The following ARID5B variants were observed in gnomAD, a reference collection of about 807,000 sequenced individuals.
The protein encoded by ARID5B is AT-rich interaction domain 5B.
Under a neutral mutation model 97.2 loss-of-function variants are expected in ARID5B, and 13 were observed. The observed-to-expected ratio is 0.13, with a 90% CI of 0.09 to 0.21. The LOEUF (loss-of-function observed/expected upper bound fraction) is 0.21, where lower values mean the gene tolerates loss of function less well. ARID5B is among the 10% of genes least tolerant of loss of function. ARID5B has a pLI of 1.00. For synonymous variants in ARID5B, 556 were observed against 570.3 expected (o/e 0.97, Z 0.36); for missense variants, 1,210 against 1,465.3 (o/e 0.83, Z 2.84).
intron 4 of ARID5B, among the ~76,000 whole-genome samples, chr10:62,039,471 A>T (rs1312741544): frequency 2.6e-5 from 4 of 152,130 alleles, no homozygotes; most frequent in Non-Finnish European, 5.9e-5. Flanking sequence ...TACCATAGGA[A>T]CCCATTTTAC....
At chr10:62,049,209 G>GC in intron 4 of ARID5B, 3 of 1,349,134 alleles carry the variant, frequency 2.2e-6, no homozygotes, top group Non-Finnish European at 1.9e-6. Flanking sequence ...GGTGGAGAGA[G>GC]CAGAGCCCTC....
Position 61,901,856 on chromosome 10 carries a change from C to T in ARID5B, c.21+126C>T, listed in dbSNP as rs1446146843. On this transcript the variant is annotated intron_variant, in intron 1 of 9. Coordinates refer to ENST00000279873, the MANE Select transcript of ARID5B (RefSeq NM_032199.3). The stretch of plus-strand genomic sequence containing the variant: ...CTTTTCACCAAACTTTTACCCTCTG[C>T]ATCCCCCAAAATCATTTTTATTGTT... 4 of 774,878 alleles carry T rather than the reference C, an allele frequency of 5.2e-6. No homozygotes were observed. The Admixed American group carries it at 8.2e-5, about 16-fold the overall frequency. The allele number at this position is 774,878 out of a possible 1,614,324, so 48.0% of individuals were successfully genotyped here. A position where few individuals can be genotyped will look rare whatever the true frequency, so the allele number is the denominator to read the frequency against.
At chr10:62,019,010 C>T (rs1839319770) in intron 4 of ARID5B, among the ~76,000 whole-genome samples, 1 of 152,186 alleles carries the variant, frequency 6.6e-6, no homozygotes, top group African/African-American at 2.4e-5. Context: ...GACCACCATG[C>T]AGCCCAGAGG....
chr10:62,079,615 A>C (rs1840183238), intron 8 of ARID5B, among the ~76,000 whole-genome samples: 1 of 152,132 alleles, frequency 6.6e-6, no homozygotes, highest in African/African-American at 2.4e-5. Flanking sequence ...TCTCACACTG[A>C]CACATCTTTA....
At chr10:61,944,771 G>A (rs1160660650) in intron 3 of ARID5B, among the ~76,000 whole-genome samples, 3 of 152,142 alleles carry the variant, frequency 2.0e-5, no homozygotes, top group African/African-American at 7.2e-5. Flanking sequence ...TTTTTTTGCA[G>A]CAGACTCATT....
chr10:62,040,271 TTACC>T (rs1267661804), intron 4 of ARID5B, among the ~76,000 whole-genome samples: 8 of 152,264 alleles, frequency 5.3e-5, no homozygotes, highest in South Asian at 4.1e-4. Flanking sequence ...GAGTCAATGA[TTACC>T]AGATTTGAAT....
chr10:62,069,393 G>A (rs868745370), intron 7 of ARID5B, among the ~76,000 whole-genome samples: 24 of 152,332 alleles, frequency 1.6e-4, no homozygotes, highest in African/African-American at 5.1e-4. Context: ...ATGACTTAAA[G>A]GAACAGGGTA....
At chr10:61,923,613 G>C (rs1246325446) in intron 2 of ARID5B, among the ~76,000 whole-genome samples, 4 of 152,200 alleles carry the variant, frequency 2.6e-5, no homozygotes, top group African/African-American at 9.7e-5. Context: ...CCCCCACCTT[G>C]GCTGCTGTAT....
intron 7 of ARID5B, among the ~76,000 whole-genome samples, chr10:62,063,331 T>G (rs1564640661): frequency 6.6e-6 from 1 of 152,210 alleles, no homozygotes; most frequent in Non-Finnish European, 1.5e-5. Flanking sequence ...GATGTATTGC[T>G]TCTGCGGTTA....
chr10:61,940,965 ATTTTTTTTTTTTTTTTTTTT>A (rs869209154), intron 3 of ARID5B, among the ~76,000 whole-genome samples: 2 of 6,608 alleles, frequency 3.0e-4, no homozygotes, highest in African/African-American at 4.1e-4. Flanking sequence ...ATATATATAT[ATTTTTTTTTTTTTTTTTTTT>A]TTTTTTTTTT....
At chr10:61,963,561 C>G (rs1041846429) in intron 3 of ARID5B, among the ~76,000 whole-genome samples, 3 of 151,992 alleles carry the variant, frequency 2.0e-5, no homozygotes, top group African/African-American at 7.2e-5. Flanking sequence ...GGACAGCTGA[C>G]CTATATGTCT....
At chr10:62,028,560 CCTCT>C (rs1201964832) in intron 4 of ARID5B, among the ~76,000 whole-genome samples, 1 of 152,154 alleles carries the variant, frequency 6.6e-6, no homozygotes, top group Admixed American at 6.5e-5. Context: ...AATGACTCAC[CCTCT>C]CTCAGCCTCA....
intron 3 of ARID5B, among the ~76,000 whole-genome samples, chr10:61,986,738 T>C (rs1838852357): frequency 1.3e-5 from 2 of 152,274 alleles, no homozygotes; most frequent in Non-Finnish European, 2.9e-5. Flanking sequence ...GGTAACATAC[T>C]CCCTTCTTTC....
At chr10:62,010,740 G>A (rs905201915) in intron 4 of ARID5B, among the ~76,000 whole-genome samples, 1 of 152,200 alleles carries the variant, frequency 6.6e-6, no homozygotes. Context: ...CAACCTAGAA[G>A]GATGTCTTCC....
intron 4 of ARID5B, among the ~76,000 whole-genome samples, chr10:62,047,736 T>G (rs1485421907): frequency 2.6e-5 from 4 of 152,188 alleles, no homozygotes; most frequent in African/African-American, 9.7e-5. Context: ...CACACCATAA[T>G]GCACCTGTTT....
At chr10:62,052,122 G>A (rs1165692401) in intron 5 of ARID5B, among the ~76,000 whole-genome samples, 1 of 152,190 alleles carries the variant, frequency 6.6e-6, no homozygotes, top group Non-Finnish European at 1.5e-5. Flanking sequence ...AGATTCCAAA[G>A]GGTTAAGAAG....
chr10:62,030,294 T>A (rs1297027975), intron 4 of ARID5B, among the ~76,000 whole-genome samples: 1 of 152,074 alleles, frequency 6.6e-6, no homozygotes, highest in Non-Finnish European at 1.5e-5. Context: ...CACGCCCAGC[T>A]AATTTTTGTA....
At chr10:62,090,150 G>A (rs1374628283) in intron 9 of ARID5B, among the ~76,000 whole-genome samples, 1 of 152,196 alleles carries the variant, frequency 6.6e-6, no homozygotes, top group Non-Finnish European at 1.5e-5. Flanking sequence ...CTGACTGTCT[G>A]AATTTTGACA....
In ARID5B at chr10:62,050,745, A is replaced by T. The variant is rs555014062; in HGVS notation, c.734-143A>T. 79 of 662,778 alleles carry T rather than the reference A, an allele frequency of 1.2e-4. 3 individuals are homozygous for T. The South Asian group carries it at 1.4e-3, about 12-fold the overall frequency. 41.1% of individuals were successfully genotyped at this position (662,778 alleles called of 1,614,324 possible). ...TATGCAAGCCTTCAGAGAGAGAAGCATGTAATAATGAGGGCTGCCTGCCAC... is the reference window on the plus strand; with the variant it reads ...TATGCAAGCCTTCAGAGAGAGAAGCTTGTAATAATGAGGGCTGCCTGCCAC... On this transcript the variant is annotated intron_variant, in intron 4 of 9. Coordinates refer to ENST00000279873, the MANE Select transcript of ARID5B (RefSeq NM_032199.3).
Sources: allele counts gnomAD v4.1 joint callset (sites outside exome capture counted in the v4.1 genomes callset), GRCh38; gene constraint gnomAD v4.1.1; transcripts MANE v1.5; gene names NCBI Gene and HGNC (gene_info 2026-07-23, HGNC 2026-07-21).